ARHGAP24: variants seen among roughly 807,000 people sequenced by gnomAD.
ARHGAP24 encodes rho GTPase-activating protein 24.
A neutral mutation model predicts 76.4 loss-of-function variants in ARHGAP24; 50 were observed. The ratio of observed to expected loss-of-function variants is 0.65; its 90% CI spans 0.52 to 0.83. ARHGAP24 has a LOEUF of 0.83. Ranked by LOEUF, ARHGAP24 falls within the 40% of genes least tolerant of loss-of-function variation. The pLI, the probability that ARHGAP24 is intolerant of heterozygous loss-of-function variation, is 0.00. For synonymous variants in ARHGAP24, 345 were observed against 323.3 expected (o/e 1.07, Z -0.72); for missense variants, 930 against 914.2 (o/e 1.02, Z -0.22).
chr4:85,550,800 T>G (rs1578027315), intron 1 of ARHGAP24, among the ~76,000 whole-genome samples: 3 of 152,298 alleles, frequency 2.0e-5, no homozygotes, highest in East Asian at 1.9e-4. Flanking sequence ...TATTTTATTC[T>G]TTTTGTGGCT....
chr4:85,968,576 A>G (rs1045141698), intron 5 of ARHGAP24, among the ~76,000 whole-genome samples: 2 of 152,164 alleles, frequency 1.3e-5, no homozygotes, highest in Non-Finnish European at 2.9e-5. Context: ...TATTTTATAG[A>G]CTGAACATAC....
intron 2 of ARHGAP24, among the ~76,000 whole-genome samples, chr4:85,684,879 C>A (rs941867903): frequency 1.3e-5 from 2 of 152,046 alleles, no homozygotes; most frequent in African/African-American, 4.8e-5. Flanking sequence ...CTTGGCATAC[C>A]CTTAAAACTT....
At chr4:85,908,855 TAAAAAGAAAAAA>T (rs914817856) in intron 3 of ARHGAP24, among the ~76,000 whole-genome samples, 4 of 150,264 alleles carry the variant, frequency 2.7e-5, no homozygotes, top group African/African-American at 9.8e-5. Flanking sequence ...CTCAGATAAT[TAAAAAGAAAAAA>T]AAAAAGAAAG....
chr4:85,931,049 A>G, intron 4 of ARHGAP24: 1 of 1,606,636 alleles, frequency 6.2e-7, no homozygotes, highest in Non-Finnish European at 8.5e-7. Flanking sequence ...AAAGGTAGGT[A>G]GATAATATGT....
At chr4:85,483,651 TATAA>T (rs546516952) in intron 1 of ARHGAP24, among the ~76,000 whole-genome samples, 2 of 152,024 alleles carry the variant, frequency 1.3e-5, no homozygotes, top group African/African-American at 2.4e-5. Flanking sequence ...AAATAAAAAA[TATAA>T]ATAAATAAAA....
intron 2 of ARHGAP24, among the ~76,000 whole-genome samples, chr4:85,662,318 T>C (rs1475526259): frequency 6.6e-6 from 1 of 151,732 alleles, no homozygotes; most frequent in East Asian, 1.9e-4. Context: ...ATGTCTTCTT[T>C]TGAGAAGTGT....
intron 6 of ARHGAP24, among the ~76,000 whole-genome samples, chr4:85,974,265 C>G (rs951188350): frequency 2.0e-5 from 3 of 152,082 alleles, no homozygotes; most frequent in Admixed American, 2.0e-4. Context: ...AAGCAGAGAC[C>G]ATTTGTCCCA....
chr4:85,984,578 C>T (rs1439693770), intron 8 of ARHGAP24, among the ~76,000 whole-genome samples: 1 of 152,104 alleles, frequency 6.6e-6, no homozygotes, highest in African/African-American at 2.4e-5. Flanking sequence ...AAATATGAAT[C>T]TTGTTGGGGA....
intron 3 of ARHGAP24, among the ~76,000 whole-genome samples, chr4:85,830,089 A>G (rs1047470983): frequency 7.9e-5 from 12 of 152,238 alleles, no homozygotes; most frequent in Middle Eastern, 3.2e-3. Flanking sequence ...TTTGATAAAT[A>G]TCTCTAATTT....
intron 3 of ARHGAP24, among the ~76,000 whole-genome samples, chr4:85,883,310 T>G (rs996652648): frequency 6.6e-6 from 1 of 152,180 alleles, no homozygotes; most frequent in Non-Finnish European, 1.5e-5. Context: ...GTTTTTGTGG[T>G]TTTTAACCAT....
chr4:85,879,203 A>G (rs1302413284), intron 3 of ARHGAP24, among the ~76,000 whole-genome samples: 2 of 152,202 alleles, frequency 1.3e-5, no homozygotes, highest in Non-Finnish European at 2.9e-5. Flanking sequence ...ATGCAGTTGT[A>G]GTGAGCAAAA....
intron 2 of ARHGAP24, among the ~76,000 whole-genome samples, chr4:85,612,044 G>C (rs907877023): frequency 6.7e-6 from 1 of 149,622 alleles, no homozygotes; most frequent in East Asian, 2.1e-4. Context: ...TGGCTAGTCA[G>C]GCAAAGATGT....
chr4:85,657,888 G>A (rs1465638264), intron 2 of ARHGAP24, among the ~76,000 whole-genome samples: 2 of 152,116 alleles, frequency 1.3e-5, no homozygotes, highest in African/African-American at 2.4e-5. Flanking sequence ...CCGAATAGCT[G>A]GGGCCACAGG....
chr4:85,887,875 A>G (rs556747771), intron 3 of ARHGAP24, among the ~76,000 whole-genome samples: 15 of 152,288 alleles, frequency 9.8e-5, no homozygotes, highest in Non-Finnish European at 1.8e-4. Flanking sequence ...CTGATTGGCT[A>G]TATTTTATCA....
At chr4:85,597,914 G>A (rs1719895861) in intron 2 of ARHGAP24, among the ~76,000 whole-genome samples, 1 of 152,046 alleles carries the variant, frequency 6.6e-6, no homozygotes, top group African/African-American at 2.4e-5. Context: ...TATCAGTGAA[G>A]ATATCTGAAG....
intron 3 of ARHGAP24, among the ~76,000 whole-genome samples, chr4:85,781,338 G>A (rs969007529): frequency 1.2e-4 from 18 of 152,022 alleles, no homozygotes; most frequent in Admixed American, 2.6e-4. Flanking sequence ...AGAGCAAAAC[G>A]AATCACTGAT....
At chr4:85,776,911 A>G (rs1727328773) in intron 3 of ARHGAP24, among the ~76,000 whole-genome samples, 1 of 152,230 alleles carries the variant, frequency 6.6e-6, no homozygotes, top group Non-Finnish European at 1.5e-5. Flanking sequence ...CTTAAGAAGT[A>G]AAAGGAAAAT....
At chr4:85,861,864 A>C (rs574050769) in intron 3 of ARHGAP24, among the ~76,000 whole-genome samples, 36 of 152,172 alleles carry the variant, frequency 2.4e-4, no homozygotes, top group South Asian at 8.3e-4. Context: ...TTTTAACAAT[A>C]TACTTCTTAC....
At chr4:85,523,613 T>C (rs145510519) in intron 1 of ARHGAP24, among the ~76,000 whole-genome samples, 239 of 152,298 alleles carry the variant, frequency 1.6e-3, no homozygotes, top group African/African-American at 5.2e-3. Context: ...AACTTCATAA[T>C]GCAAATATGG....
Sources: allele counts gnomAD v4.1 joint callset (sites outside exome capture counted in the v4.1 genomes callset), GRCh38; gene constraint gnomAD v4.1.1; transcripts MANE v1.5; gene names NCBI Gene and HGNC (gene_info 2026-07-23, HGNC 2026-07-21).